Variants in SLC14A2 observed in about 807,000 individuals in gnomAD.
SLC14A2 encodes the protein solute carrier family 14 member 2.
In SLC14A2, 91 loss-of-function variants were observed where a neutral mutation model predicts 104.6. The ratio of observed to expected loss-of-function variants is 0.87; its 90% CI spans 0.73 to 1.04. The LOEUF is 1.04. Ranked by LOEUF, SLC14A2 falls within the 50% of genes least tolerant of loss-of-function variation. The pLI is 0.00. For missense variants in SLC14A2, 1,189 were observed against 1,156.0 expected, an observed-to-expected ratio of 1.03 and a Z score of -0.41; for synonymous variants, 476 against 466.4, an observed-to-expected ratio of 1.02 and a Z score of -0.27.
chr18:45,426,446 T>C (rs2086427846), intron 1 of SLC14A2, among the ~76,000 whole-genome samples: 1 of 151,584 alleles, frequency 6.6e-6, no homozygotes, highest in African/African-American at 2.4e-5. Context: ...AGTCATATGG[T>C]ACCTGTTTGT....
intron 1 of SLC14A2, among the ~76,000 whole-genome samples, chr18:45,283,518 T>A (rs1209371195): frequency 1.3e-5 from 2 of 152,014 alleles, no homozygotes; most frequent in African/African-American, 2.4e-5. Flanking sequence ...TCATCCAACA[T>A]CAACCAAAAA....
At chr18:45,653,984 G>T (rs2045785929) in intron 10 of SLC14A2, among the ~76,000 whole-genome samples, 1 of 152,212 alleles carries the variant, frequency 6.6e-6, no homozygotes, top group African/African-American at 2.4e-5. Context: ...GCAACTGGGA[G>T]GTAACCTGTG....
intron 1 of SLC14A2, among the ~76,000 whole-genome samples, chr18:45,252,792 CTTT>C (rs745363624): frequency 3.2e-5 from 4 of 126,918 alleles, no homozygotes; most frequent in Admixed American, 1.6e-4. Flanking sequence ...GCAATATTGA[CTTT>C]TTTTTTTTTT....
intron 1 of SLC14A2, among the ~76,000 whole-genome samples, chr18:45,339,826 G>C (rs1249320382): frequency 2.0e-5 from 3 of 152,226 alleles, no homozygotes; most frequent in Non-Finnish European, 4.4e-5. Context: ...ATTGTCCAAA[G>C]GGGGACACTT....
At chr18:45,290,626 G>T (rs2084859898) in intron 1 of SLC14A2, among the ~76,000 whole-genome samples, 1 of 152,196 alleles carries the variant, frequency 6.6e-6, no homozygotes, top group Admixed American at 6.5e-5. Context: ...ACTGAGATCT[G>T]CTGTAAGTGT....
intron 10 of SLC14A2, 90 bp from the exon 11 acceptor site, chr18:45,663,695 C>T: frequency 6.9e-7 from 1 of 1,439,346 alleles, no homozygotes; most frequent in Admixed American, 1.9e-5. Flanking sequence ...TCCTTTCCAG[C>T]ATCTGTGTGA....
chr18:45,173,296 C>G, the SLC14A2 span, among the ~76,000 whole-genome samples: 4 of 152,044 alleles, frequency 2.6e-5, no homozygotes, highest in Admixed American at 6.6e-5. Flanking sequence ...TCATTTAAAT[C>G]TAGAAGCAAT....
rs1171773725 is a variant in SLC14A2, at chr18:45,235,796, CGT to C, written c.-125+22622_-125+22623del. Among the ~76,000 whole-genome samples the C allele has an allele frequency of 4.0e-3, 460 of 114,256 alleles. 43 individuals are homozygous for C. The highest frequency in any genetic ancestry group is 0.011 in the East Asian group (49 of 4,276). The allele number at this position is 114,256 out of a possible 152,430, so 75.0% of individuals were successfully genotyped here. ...TGAGTAGCATTCCAATGTGTATGCG[CGT>C]GTGTGTGTGTGTGTGTATATATATA... On this transcript the variant is annotated intron_variant, in intron 1 of 20. Transcript: ENST00000586448.
At chr18:45,655,603 T>C (rs1268315641) in intron 10 of SLC14A2, among the ~76,000 whole-genome samples, 1 of 151,890 alleles carries the variant, frequency 6.6e-6, no homozygotes, top group African/African-American at 2.4e-5. Context: ...TAGCTACGTC[T>C]GCCATAGGTT....
the SLC14A2 span, among the ~76,000 whole-genome samples, chr18:45,177,705 A>G: frequency 6.6e-6 from 1 of 152,132 alleles, no homozygotes; most frequent in Non-Finnish European, 1.5e-5. Flanking sequence ...TCACAACTAT[A>G]TATTTGTGGG....
intron 2 of SLC14A2, among the ~76,000 whole-genome samples, chr18:45,543,365 T>A (rs1006017327): frequency 1.3e-5 from 2 of 151,976 alleles, no homozygotes; most frequent in Non-Finnish European, 2.9e-5. Flanking sequence ...TATATTATCT[T>A]ATATATTTAA....
intron 1 of SLC14A2, among the ~76,000 whole-genome samples, chr18:45,298,550 G>A (rs1226438481): frequency 1.3e-5 from 2 of 152,102 alleles, no homozygotes; most frequent in Non-Finnish European, 2.9e-5. Context: ...CCAGCCCATG[G>A]CCCTAATCAC....
chr18:45,561,720 T>C (rs2044203496), intron 2 of SLC14A2, among the ~76,000 whole-genome samples: 1 of 152,208 alleles, frequency 6.6e-6, no homozygotes, highest in Admixed American at 6.5e-5. Context: ...TATTATGAAT[T>C]GTACATATTT....
intron 1 of SLC14A2, among the ~76,000 whole-genome samples, chr18:45,414,757 A>AATATAT (rs71177674): frequency 3.3e-4 from 25 of 76,064 alleles, no homozygotes; most frequent in African/African-American, 3.8e-4. Context: ...AAAAAAAAAA[A>AATATAT]ATATATATAT....
chr18:45,168,529 C>T, the SLC14A2 span: 1 of 152,080 alleles, frequency 6.6e-6, no homozygotes, highest in Non-Finnish European at 1.5e-5. Context: ...GAATAGGAGG[C>T]ATATAAGCAG....
At chr18:45,511,624 C>T (rs1161873917) in intron 2 of SLC14A2, among the ~76,000 whole-genome samples, 1 of 152,134 alleles carries the variant, frequency 6.6e-6, no homozygotes, top group East Asian at 1.9e-4. Context: ...TGAGTAAGTG[C>T]CATAACCAGG....
intron 1 of SLC14A2, among the ~76,000 whole-genome samples, chr18:45,453,112 A>T (rs902330639): frequency 3.3e-5 from 5 of 152,180 alleles, no homozygotes; most frequent in African/African-American, 1.2e-4. Flanking sequence ...TCTAGCCTTG[A>T]GGATATCTTC....
chr18:45,553,747 C>T (rs1282695007), intron 2 of SLC14A2, among the ~76,000 whole-genome samples: 1 of 152,136 alleles, frequency 6.6e-6, no homozygotes, highest in Admixed American at 6.6e-5. Context: ...CATTTCAAAA[C>T]CATAAGGCTT....
intron 6 of SLC14A2, among the ~76,000 whole-genome samples, chr18:45,637,618 G>A (rs372765105): frequency 5.3e-5 from 8 of 152,074 alleles, no homozygotes; most frequent in African/African-American, 1.7e-4. Flanking sequence ...AAGACAGAGG[G>A]TTAATTTTTA....
Sources: gnomAD v4.1 joint callset for allele counts (sites outside exome capture counted in the v4.1 genomes callset) on GRCh38, gnomAD v4.1.1 for gene constraint, MANE v1.5 for transcripts, NCBI Gene and HGNC (gene_info 2026-07-23, HGNC 2026-07-21) for gene names.